GRID2: variants seen among roughly 807,000 people sequenced by gnomAD.
The protein encoded by GRID2 is glutamate ionotropic receptor delta type subunit 2, also known as glutamate receptor ionotropic, delta-2.
GRID2 carries 33 observed loss-of-function variants against 114.8 expected under a neutral mutation model. That is an observed-to-expected ratio of 0.29 (90% CI 0.22 to 0.38). The LOEUF (loss-of-function observed/expected upper bound fraction) is 0.38. Among genes scored for constraint, GRID2 ranks in the 10% least tolerant of loss-of-function variants. The probability of loss-of-function intolerance (pLI) is 1.00; values close to 1 mark genes in which losing one functional copy is unlikely to be tolerated. For synonymous variants in GRID2, 505 were observed against 449.9 expected, an observed-to-expected ratio of 1.12 and a Z score of -1.55; for missense variants, 1,184 against 1,257.7, an observed-to-expected ratio of 0.94 and a Z score of 0.89.
chr4:93,099,807 C>T (rs1731546206), intron 3 of GRID2, among the ~76,000 whole-genome samples: 1 of 151,848 alleles, frequency 6.6e-6, no homozygotes, highest in Non-Finnish European at 1.5e-5. Flanking sequence ...CATTGAAGGA[C>T]CATCCTCATG....
rs80163189 is a variant in GRID2 at position 92,736,474 on chromosome 4, C to A, written c.244+146188C>A. On this transcript the variant is annotated intron_variant, in intron 2 of 15. Coordinates refer to ENST00000282020, the MANE Select transcript of GRID2 (RefSeq NM_001510.4). The stretch of plus-strand genomic sequence containing the variant: ...GTAGCAGTAGGAAAATCGTACAGTT[C>A]TAAAAAAGATAAAGAGCAGCAATTC... 7.8e-3 allele frequency among the ~76,000 whole-genome samples: 1,191 copies of A among 152,064 alleles called. 18 individuals carry two copies. The highest frequency in any genetic ancestry group is 0.028 in the African/African-American group (1,146 of 41,506).
chr4:93,423,606 A>G (rs1234755070), intron 10 of GRID2, among the ~76,000 whole-genome samples: 3 of 151,994 alleles, frequency 2.0e-5, no homozygotes, highest in Non-Finnish European at 4.4e-5. Flanking sequence ...ATTGGAAAAA[A>G]TTAAAACATT....
At chr4:93,213,642 A>G (rs34351642) in intron 5 of GRID2, among the ~76,000 whole-genome samples, 3 of 152,128 alleles carry the variant, frequency 2.0e-5, no homozygotes, top group Non-Finnish European at 4.4e-5. Flanking sequence ...ATCTGATCCA[A>G]TGGATTTTGA....
intron 2 of GRID2, among the ~76,000 whole-genome samples, chr4:92,775,828 C>T (rs979995521): frequency 6.6e-6 from 1 of 152,112 alleles, no homozygotes; most frequent in Non-Finnish European, 1.5e-5. Flanking sequence ...ATCCTTCACA[C>T]TGTTCATTTC....
chr4:93,015,801 A>G (rs1722634956), intron 2 of GRID2, among the ~76,000 whole-genome samples: 2 of 152,236 alleles, frequency 1.3e-5, no homozygotes, highest in Non-Finnish European at 2.9e-5. Context: ...GGCAAATCCT[A>G]CAGAGGAAAA....
At position 92,740,690 on chromosome 4, in the gene GRID2, TGATAGATAGATAGATAGATAGATA is replaced by T. The variant is rs71579576; in HGVS notation, c.244+150432_244+150455del. ...TATTCTGCATAGATAGATAGATAGA[TGATAGATAGATAGATAGATAGATA>T]GATAGATAGATAGATAGATAGATAG... On this transcript the variant is annotated intron_variant, in intron 2 of 15. Coordinates refer to ENST00000282020, the MANE Select transcript of GRID2 (RefSeq NM_001510.4). Among the ~76,000 whole-genome samples the T allele has an allele frequency of 2.2e-3, 267 of 121,310 alleles. 1 individual carries two copies. Among genetic ancestry groups the T allele is most frequent in the East Asian group, 8.4e-3 (30 of 3,566 alleles). The allele number at this position is 121,310 out of a possible 152,430, so 79.6% of individuals were successfully genotyped here.
intron 8 of GRID2, among the ~76,000 whole-genome samples, chr4:93,356,410 A>AT (rs141375744): frequency 2.6e-5 from 4 of 151,156 alleles, no homozygotes; most frequent in Non-Finnish European, 5.9e-5. Context: ...CAAAGAATAA[A>AT]TTTTTTTTTC....
chr4:93,367,299 C>G (rs1214417515), intron 8 of GRID2, among the ~76,000 whole-genome samples: 1 of 149,488 alleles, frequency 6.7e-6, no homozygotes, highest in Non-Finnish European at 1.5e-5. Context: ...ACTGGTCACT[C>G]TTAAAATAAT....
chr4:92,415,344 T>C (rs1033463628), intron 1 of GRID2, among the ~76,000 whole-genome samples: 11 of 152,054 alleles, frequency 7.2e-5, no homozygotes, highest in African/African-American at 2.7e-4. Flanking sequence ...TTTAATAGTT[T>C]TGGGAGAACA....
At chr4:93,468,533 A>G (rs1041760260) in intron 11 of GRID2, among the ~76,000 whole-genome samples, 5 of 152,160 alleles carry the variant, frequency 3.3e-5, no homozygotes, top group African/African-American at 1.2e-4. Context: ...CCTGAAGGAT[A>G]GGAAGGAATA....
intron 4 of GRID2, among the ~76,000 whole-genome samples, chr4:93,171,660 A>G (rs1738831148): frequency 6.6e-6 from 1 of 152,160 alleles, no homozygotes; most frequent in East Asian, 1.9e-4. Flanking sequence ...GTGGAGGGCC[A>G]TAGGAAGAGG....
chr4:93,622,961 A>G (rs943096790), intron 13 of GRID2, among the ~76,000 whole-genome samples: 2 of 152,090 alleles, frequency 1.3e-5, no homozygotes, highest in African/African-American at 4.8e-5. Context: ...AAAAAATTAT[A>G]TTTAATTTAT....
chr4:92,998,129 A>C (rs1755318673), intron 2 of GRID2, among the ~76,000 whole-genome samples: 1 of 151,868 alleles, frequency 6.6e-6, no homozygotes, highest in Admixed American at 6.6e-5. Context: ...TACTCTAAAA[A>C]CTCCAGAACT....
chr4:93,139,459 C>A (rs1735561571), intron 4 of GRID2, among the ~76,000 whole-genome samples: 1 of 152,176 alleles, frequency 6.6e-6, no homozygotes, highest in Non-Finnish European at 1.5e-5. Context: ...GGAGGTAGAT[C>A]TGGAGAGCTA....
intron 2 of GRID2, among the ~76,000 whole-genome samples, chr4:93,083,335 T>G (rs11936859): frequency 0.049 from 7,438 of 152,206 alleles, 292 homozygotes; most frequent in East Asian, 0.2. Context: ...GAAAATTGAA[T>G]TCATGAACAT....
intron 2 of GRID2, among the ~76,000 whole-genome samples, chr4:92,920,002 A>G (rs1330252275): frequency 1.3e-5 from 2 of 151,760 alleles, no homozygotes; most frequent in African/African-American, 4.8e-5. Context: ...TTGTAGGTCC[A>G]AGGACTTGCT....
At chr4:93,635,950 C>G (rs1721375621) in intron 14 of GRID2, among the ~76,000 whole-genome samples, 1 of 152,130 alleles carries the variant, frequency 6.6e-6, no homozygotes, top group Non-Finnish European at 1.5e-5. Flanking sequence ...AAGCATATAG[C>G]ATTCTCACTG....
At chr4:93,747,769 G>A (rs1731969769) in intron 14 of GRID2, among the ~76,000 whole-genome samples, 1 of 151,500 alleles carries the variant, frequency 6.6e-6, no homozygotes. Context: ...TGATTTGACA[G>A]AAAAATCAAT....
intron 13 of GRID2, among the ~76,000 whole-genome samples, chr4:93,578,679 C>T (rs112984188): frequency 0.039 from 5,746 of 149,202 alleles, 375 homozygotes; most frequent in African/African-American, 0.13. Flanking sequence ...CTGCAAGCTC[C>T]GCCTCCCAGG....
Sources: gnomAD v4.1 joint callset for allele counts (sites outside exome capture counted in the v4.1 genomes callset) on GRCh38, gnomAD v4.1.1 for gene constraint, MANE v1.5 for transcripts, NCBI Gene and HGNC (gene_info 2026-07-23, HGNC 2026-07-21) for gene names.